The following CSMD2 variants were observed in gnomAD, a reference collection of about 807,000 sequenced individuals.
CSMD2 encodes CUB and Sushi multiple domains 2, also known as CUB and sushi domain-containing protein 2.
In CSMD2, 130 loss-of-function variants were observed where a neutral mutation model predicts 398.5. The observed-to-expected ratio is 0.33, with a 90% confidence interval of 0.28 to 0.38. The LOEUF is 0.38. Ranked by LOEUF, CSMD2 falls within the 10% of genes least tolerant of loss-of-function variation. The pLI, the probability that CSMD2 is intolerant of heterozygous loss-of-function variation, is 1.00. For synonymous variants in CSMD2, 1,828 were observed against 1,908.5 expected (o/e 0.96, Z 1.10); for missense variants, 3,829 against 4,764.9 (o/e 0.80, Z 5.78).
At chr1:33,842,556 T>A (rs1660960301) in intron 6 of CSMD2, among the ~76,000 whole-genome samples, 1 of 152,076 alleles carries the variant, frequency 6.6e-6, no homozygotes, top group Non-Finnish European at 1.5e-5. Flanking sequence ...GTTGGCAAAC[T>A]TTTTCTGTAA....
chr1:33,809,278 A>C (rs1475901131), intron 10 of CSMD2, among the ~76,000 whole-genome samples: 1 of 56,950 alleles, frequency 1.8e-5, no homozygotes, highest in Non-Finnish European at 2.8e-5. Context: ...CAAATTACTA[A>C]ACAATATATA....
At chr1:33,615,158 T>C (rs1254194220) in intron 39 of CSMD2, among the ~76,000 whole-genome samples, 2 of 152,074 alleles carry the variant, frequency 1.3e-5, no homozygotes, top group African/African-American at 2.4e-5. Flanking sequence ...CTCAGAAAAG[T>C]GACGGTGATC....
chr1:34,074,591 G>A (rs1656104298), intron 2 of CSMD2, among the ~76,000 whole-genome samples: 1 of 152,210 alleles, frequency 6.6e-6, no homozygotes. Flanking sequence ...CACTCCATAA[G>A]TATTTGTTTA....
intron 2 of CSMD2, among the ~76,000 whole-genome samples, chr1:34,044,432 C>T (rs1048169623): frequency 6.6e-6 from 1 of 152,138 alleles, no homozygotes; most frequent in Non-Finnish European, 1.5e-5. Flanking sequence ...CCTAAAGCAT[C>T]CTGTGGGCTG....
In CSMD2 at chr1:33,810,762, G is replaced by A. The variant is rs553033086; in HGVS notation, c.1427C>T (p.Thr476Ile). The change falls in exon 10 of 71, where the codon ACA becomes ATA. Residue 476 changes from threonine to isoleucine, a missense_variant. Coordinates refer to ENST00000373381, the MANE Select transcript of CSMD2 (RefSeq NM_001281956.2). Reference sequence around the variant, plus strand: ...GCTTACCTTGGAGGGGTTGAGTGCTGTGATGATCCACACACAGTGTGCATT... The same window carrying A: ...GCTTACCTTGGAGGGGTTGAGTGCTATGATGATCCACACACAGTGTGCATT... ...DNNAHCVWIITALNPSKVIKL... is the reference protein window; with the variant it reads ...DNNAHCVWIIIALNPSKVIKL... The A allele has an allele frequency of 1.9e-6, 3 of 1,613,496 alleles. No homozygotes were observed. Among genetic ancestry groups the A allele is most frequent in the Admixed American group, 3.3e-5 (2 of 59,976 alleles).
At chr1:33,963,817 C>T (rs1406494758) in intron 3 of CSMD2, among the ~76,000 whole-genome samples, 1 of 152,160 alleles carries the variant, frequency 6.6e-6, no homozygotes, top group East Asian at 1.9e-4. Flanking sequence ...TGTTGATGGA[C>T]ATTTGCATTA....
At position 33,788,719 on chromosome 1, in the gene CSMD2, GGA is replaced by G; in HGVS notation, c.1551-9_1551-8del. On this transcript the variant is annotated splice_polypyrimidine_tract_variant and splice_region_variant and intron_variant, in intron 11 of 70. Coordinates refer to ENST00000373381, the MANE Select transcript of CSMD2 (RefSeq NM_001281956.2). ...GACCGATGTACCTGTCAGGCTGGCA[GGA>G]GAGAGATATTTAGAGGTGTGCTCTC... 6.4e-7 allele frequency: 1 copy of G among 1,566,838 alleles called. No individual in the cohort carries two copies. Among genetic ancestry groups the G allele is most frequent in the Non-Finnish European group, 8.8e-7 (1 of 1,136,950 alleles).
At chr1:33,629,354 A>C (rs1485018884) in intron 32 of CSMD2, among the ~76,000 whole-genome samples, 2 of 152,242 alleles carry the variant, frequency 1.3e-5, no homozygotes, top group Non-Finnish European at 2.9e-5. Flanking sequence ...AAAAGCGCAG[A>C]AAGAACAACA....
chr1:33,800,164 G>T (rs188562972), intron 10 of CSMD2, among the ~76,000 whole-genome samples: 201 of 152,350 alleles, frequency 1.3e-3, no homozygotes, highest in Non-Finnish European at 1.7e-3. Context: ...TTACAATGTT[G>T]CTGCCAGTGT....
At chr1:33,727,870 A>C (rs1187585902) in intron 15 of CSMD2, among the ~76,000 whole-genome samples, 1 of 152,116 alleles carries the variant, frequency 6.6e-6, no homozygotes, top group African/African-American at 2.4e-5. Flanking sequence ...GCTGATGATG[A>C]GGATGATGAT....
At chr1:33,670,621 T>C (rs1171213057) in intron 25 of CSMD2, among the ~76,000 whole-genome samples, 1 of 152,196 alleles carries the variant, frequency 6.6e-6, no homozygotes, top group Non-Finnish European at 1.5e-5. Context: ...AGCTCACTGC[T>C]GAATCTAAAT....
intron 25 of CSMD2, among the ~76,000 whole-genome samples, chr1:33,670,775 T>G (rs1644470240): frequency 6.6e-6 from 1 of 152,198 alleles, no homozygotes; most frequent in South Asian, 2.1e-4. Context: ...TACTAGGCAC[T>G]GGTGATTCAG....
intron 2 of CSMD2, among the ~76,000 whole-genome samples, chr1:34,036,741 C>T (rs545716650): frequency 2.0e-5 from 3 of 152,320 alleles, no homozygotes; most frequent in African/African-American, 7.2e-5. Context: ...GAGAAGGGTA[C>T]ATGGAACCTC....
At chr1:33,556,817 C>T (rs1253369871) in intron 55 of CSMD2, among the ~76,000 whole-genome samples, 2 of 152,136 alleles carry the variant, frequency 1.3e-5, no homozygotes, top group Non-Finnish European at 2.9e-5. Flanking sequence ...TTATACGGGG[C>T]TTTTCCCCAA....
chr1:34,023,116 G>A (rs142737728), intron 3 of CSMD2, among the ~76,000 whole-genome samples: 1 of 152,148 alleles, frequency 6.6e-6, no homozygotes, highest in South Asian at 2.1e-4. Flanking sequence ...GATTACAGGT[G>A]TAAGCCACCA....
At chr1:33,859,536 C>T (rs1425800113) in intron 5 of CSMD2, among the ~76,000 whole-genome samples, 3 of 152,170 alleles carry the variant, frequency 2.0e-5, no homozygotes, top group Non-Finnish European at 4.4e-5. Context: ...CTACAAAGTC[C>T]CTTTTACCAA....
At chr1:34,029,332 C>G (rs935237230) in intron 3 of CSMD2, among the ~76,000 whole-genome samples, 14 of 152,182 alleles carry the variant, frequency 9.2e-5, no homozygotes, top group Admixed American at 9.2e-4. Flanking sequence ...CTCCACCCCA[C>G]AATGAGGCTC....
intron 1 of CSMD2, among the ~76,000 whole-genome samples, chr1:34,122,426 T>C (rs1662287367): frequency 6.6e-6 from 1 of 152,162 alleles, no homozygotes; most frequent in Non-Finnish European, 1.5e-5. Flanking sequence ...AGCCTCCTGC[T>C]GTATCCAGAA....
intron 3 of CSMD2, among the ~76,000 whole-genome samples, chr1:33,969,962 C>G (rs747403977): frequency 6.6e-6 from 1 of 151,922 alleles, no homozygotes; most frequent in Non-Finnish European, 1.5e-5. Context: ...AAGATTCAAC[C>G]GGGCGTGGTG....
Sources: allele counts gnomAD v4.1 joint callset (sites outside exome capture counted in the v4.1 genomes callset), GRCh38; gene constraint gnomAD v4.1.1; transcripts MANE v1.5; gene names NCBI Gene and HGNC (gene_info 2026-07-23, HGNC 2026-07-21).